Variants in CA5A observed in about 807,000 individuals in gnomAD.
CA5A encodes carbonic anhydrase 5A, mitochondrial.
In CA5A, 28 loss-of-function variants were observed where a neutral mutation model predicts 37.1. The observed-to-expected ratio is 0.75, with a 90% CI of 0.56 to 1.03. CA5A has a LOEUF of 1.03. CA5A is among the 50% of genes least tolerant of loss of function. The pLI, the probability that CA5A is intolerant of heterozygous loss-of-function variation, is 0.00. For missense variants in CA5A, 444 were observed against 399.9 expected, an observed-to-expected ratio of 1.11 and a Z score of -0.94; for synonymous variants, 171 against 158.4, an observed-to-expected ratio of 1.08 and a Z score of -0.60.
chr16:87,892,170 T>G (rs1444478264), intron 5 of CA5A: 1 of 459,680 alleles, frequency 2.2e-6, no homozygotes, highest in Non-Finnish European at 3.8e-6. Flanking sequence ...TTGGTGGGAA[T>G]TACGTTACAT....
intron 2 of CA5A, among the ~76,000 whole-genome samples, chr16:87,909,241 C>G (rs2056011872): frequency 6.6e-6 from 1 of 152,152 alleles, no homozygotes; most frequent in Non-Finnish European, 1.5e-5. Context: ...CTGAGGGGAA[C>G]CATGGGGCCC....
intron 2 of CA5A, among the ~76,000 whole-genome samples, chr16:87,915,021 G>A (rs1041671941): frequency 2.0e-5 from 3 of 152,212 alleles, no homozygotes; most frequent in Non-Finnish European, 2.9e-5. Context: ...CATGGCCGCC[G>A]CACCACCAGC....
Position 87,913,232 on chromosome 16 carries a change from G to A in CA5A, c.341-8328C>T, listed in dbSNP as rs1024036612. Among the ~76,000 whole-genome samples the A allele has an allele frequency of 2.2e-4, 34 of 151,776 alleles. 1 individual carries two copies. Among genetic ancestry groups the A allele is most frequent in the African/African-American group, 6.8e-4 (28 of 41,318 alleles). On this transcript the variant is annotated intron_variant, in intron 2 of 6. Coordinates refer to ENST00000649794, the MANE Select transcript of CA5A (RefSeq NM_001739.2). ...GACCTCAGGTGATCCACCTGCCTCG[G>A]CCTCCCAAAGTGCTGGGATTACAGG...
intron 5 of CA5A, among the ~76,000 whole-genome samples, chr16:87,900,794 T>C (rs1196285627): frequency 2.6e-5 from 4 of 152,244 alleles, no homozygotes; most frequent in Non-Finnish European, 4.4e-5. Flanking sequence ...GGGTGGTACA[T>C]GAGTCAACAT....
At chr16:87,916,198 T>C (rs1268476109) in intron 2 of CA5A, among the ~76,000 whole-genome samples, 1 of 149,938 alleles carries the variant, frequency 6.7e-6, no homozygotes, top group Non-Finnish European at 1.5e-5. Flanking sequence ...ACCATCGGAT[T>C]GGCTGAGTGC....
At chr16:87,934,350 C>T (rs901262923) in intron 1 of CA5A, among the ~76,000 whole-genome samples, 2 of 152,186 alleles carry the variant, frequency 1.3e-5, no homozygotes, top group Non-Finnish European at 2.9e-5. Context: ...GGGCAGATCA[C>T]CTGAGGCTGG....
chr16:87,902,018 T>C (rs1567520213), intron 4 of CA5A, 44 bp from the exon 5 acceptor site: 1 of 1,540,608 alleles, frequency 6.5e-7, no homozygotes, highest in East Asian at 2.3e-5. Flanking sequence ...AGGCAGTGGA[T>C]GGGGGGGGAA....
At chr16:87,888,782 G>C (rs1406049809) in intron 6 of CA5A, among the ~76,000 whole-genome samples, 1 of 152,166 alleles carries the variant, frequency 6.6e-6, no homozygotes, top group African/African-American at 2.4e-5. Context: ...ACAGTGTTTC[G>C]CTCTTGTTTC....
intron 5 of CA5A, among the ~76,000 whole-genome samples, chr16:87,894,197 C>T (rs1387154463): frequency 2.6e-5 from 4 of 152,064 alleles, no homozygotes; most frequent in South Asian, 4.2e-4. Context: ...GGCATGATCT[C>T]AGCTCACGGT....
intron 1 of CA5A, among the ~76,000 whole-genome samples, chr16:87,933,512 A>G (rs1157544110): frequency 2.6e-5 from 4 of 151,340 alleles, no homozygotes; most frequent in Non-Finnish European, 5.9e-5. Flanking sequence ...AGTAGCTGGG[A>G]TGATAGGTGT....
rs1162468866 is a variant in CA5A at position 87,915,525 on chromosome 16, A to ATTTTT, written c.341-10622_341-10621insAAAAA. ...GCAACAGTACCAGATCCTGTGTCAA[A>ATTTTT]ATTTTTTTTTTTTTTTTTTTTTTTT... On this transcript the variant is annotated intron_variant, in intron 2 of 6. Transcript: ENST00000649794. Among the ~76,000 whole-genome samples, 67 of 107,170 alleles carry ATTTTT rather than the reference A, an allele frequency of 6.3e-4. 1 individual carries two copies. The highest frequency in any genetic ancestry group is 1.8e-3 in the African/African-American group (52 of 29,154). The allele number at this position is 107,170 out of a possible 152,430, so 70.3% of individuals were successfully genotyped here.
chr16:87,923,131 G>T (rs980931550), intron 2 of CA5A, among the ~76,000 whole-genome samples: 1 of 152,186 alleles, frequency 6.6e-6, no homozygotes, highest in African/African-American at 2.4e-5. Context: ...GTAAAATGAG[G>T]GTCCCGCAAT....
intron 1 of CA5A, among the ~76,000 whole-genome samples, chr16:87,933,020 C>T (rs181934959): frequency 1.1e-3 from 165 of 152,282 alleles, no homozygotes; most frequent in Admixed American, 1.4e-3. Flanking sequence ...CAGGTGGCTG[C>T]GAAGGGAGGA....
At chr16:87,904,694 C>T in intron 3 of CA5A, 92 bp downstream of exon 3, 2 of 773,462 alleles carry the variant, frequency 2.6e-6, no homozygotes, top group Non-Finnish European at 4.5e-6. Context: ...TCCTTCACAT[C>T]TGAGCGGCGC....
intron 1 of CA5A, among the ~76,000 whole-genome samples, chr16:87,934,677 G>T (rs2056447675): frequency 1.3e-5 from 2 of 151,752 alleles, no homozygotes; most frequent in South Asian, 2.1e-4. Context: ...ATAAAAAAGG[G>T]GGGTGGGTGC....
At position 87,888,180 on chromosome 16, in the gene CA5A, G is replaced by A. The variant is rs372073822; in HGVS notation, c.867C>T (p.Asn289=). The change falls in exon 7 of 7, where the codon AAC becomes AAT. Residue 289 remains asparagine (N), a synonymous_variant. Coordinates refer to ENST00000649794, the MANE Select transcript of CA5A (RefSeq NM_001739.2). Reference sequence around the variant, plus strand: ...CCTGGAAGGACGCCCAGACCTTCCGGTTCATCAAGGGTTGAAGTGGGCGAT... The same window carrying A: ...CCTGGAAGGACGCCCAGACCTTCCGATTCATCAAGGGTTGAAGTGGGCGAT... The part of the protein sequence containing the change: ...NNYRPLQPLM[N]RKVWASFQAT... The A allele has an allele frequency of 6.6e-5, 106 of 1,613,800 alleles. No individual in the cohort carries two copies. Among genetic ancestry groups the A allele is most frequent in the Non-Finnish European group, 8.1e-5 (95 of 1,179,856 alleles).
At chr16:87,928,571 G>GA (rs1011816331) in intron 1 of CA5A, among the ~76,000 whole-genome samples, 42 of 151,780 alleles carry the variant, frequency 2.8e-4, no homozygotes, top group Non-Finnish European at 1.5e-5. Flanking sequence ...CTCATTTTGT[G>GA]AAAAAAATAT....
Position 87,917,364 on chromosome 16 carries a change from A to G in CA5A, c.340+9384T>C, listed in dbSNP as rs571266582. On this transcript the variant is annotated intron_variant, in intron 2 of 6. Coordinates refer to ENST00000649794, the MANE Select transcript of CA5A (RefSeq NM_001739.2). Reference sequence around the variant, plus strand: ...TGGGAATTTAGAATTGGAAGTGAGCAAGAACAGGAACAGTGGCTCCCCAGT... The same window carrying G: ...TGGGAATTTAGAATTGGAAGTGAGCGAGAACAGGAACAGTGGCTCCCCAGT... 7.9e-5 allele frequency among the ~76,000 whole-genome samples: 12 copies of G among 152,356 alleles called. No homozygotes were observed. In the East Asian group the frequency reaches 2.1e-3, roughly 27 times the overall value.
chr16:87,903,776 A>G (rs935722621), intron 3 of CA5A, among the ~76,000 whole-genome samples: 11 of 152,192 alleles, frequency 7.2e-5, no homozygotes, highest in African/African-American at 1.4e-4. Flanking sequence ...AAAAGCATCA[A>G]AAAGTTAGGT....
Sources: allele counts gnomAD v4.1 joint callset (sites outside exome capture counted in the v4.1 genomes callset), GRCh38; gene constraint gnomAD v4.1.1; transcripts MANE v1.5; gene names NCBI Gene and HGNC (gene_info 2026-07-23, HGNC 2026-07-21).